The following AFF3 variants were observed in gnomAD, a reference collection of about 807,000 sequenced individuals.
The protein encoded by AFF3 is AF4/FMR2 family member 3.
In AFF3, 32 loss-of-function variants were observed where a neutral mutation model predicts 129.7. The ratio of observed to expected loss-of-function variants is 0.25; its 90% CI spans 0.19 to 0.33. The LOEUF is 0.33. AFF3 is among the 10% of genes least tolerant of loss of function. AFF3 has a pLI of 1.00. For synonymous variants in AFF3, 644 were observed against 635.4 expected, an observed-to-expected ratio of 1.01 and a Z score of -0.20; for missense variants, 1,373 against 1,592.0, an observed-to-expected ratio of 0.86 and a Z score of 2.34.
intron 18 of AFF3, 152 bp downstream of exon 18, chr2:99,578,175 T>C: frequency 1.7e-6 from 2 of 1,185,810 alleles, no homozygotes; most frequent in East Asian, 2.6e-5. Flanking sequence ...TCCAATTCCA[T>C]TCAAGAGGGA....
chr2:99,870,685 T>G (rs1691806789), intron 7 of AFF3, among the ~76,000 whole-genome samples: 1 of 152,232 alleles, frequency 6.6e-6, no homozygotes, highest in Non-Finnish European at 1.5e-5. Context: ...GAAGGCACTT[T>G]GTAACCATCT....
chr2:100,020,329 G>A (rs1683484419), intron 4 of AFF3, among the ~76,000 whole-genome samples: 2 of 151,862 alleles, frequency 1.3e-5, no homozygotes, highest in South Asian at 2.1e-4. Flanking sequence ...GACACTCCAG[G>A]CTCTGTGCAA....
chr2:99,727,082 A>G lies in AFF3; in HGVS notation c.1086T>C (p.Asn362=). The part of the protein sequence containing the change: ...EPESPDNGTS[N]TSMLEDDLKL... ...AGAAAATGAAAGAAACTTACGATGTATTCGATGTGCCATTGTCTGGACTCT... is the reference window on the plus strand; with the variant it reads ...AGAAAATGAAAGAAACTTACGATGTGTTCGATGTGCCATTGTCTGGACTCT... Residue 362 remains asparagine, a synonymous_variant, in exon 11 of 25, where the codon AAT becomes AAC. Coordinates refer to ENST00000672756, the MANE Select transcript of AFF3 (RefSeq NM_001386135.1). 1.2e-6 allele frequency: 2 copies of G among 1,605,818 alleles called. No individual in the cohort carries two copies. Among genetic ancestry groups the G allele is most frequent in the Non-Finnish European group, 1.7e-6 (2 of 1,177,800 alleles).
chr2:99,864,470 A>C (rs1691229605), intron 7 of AFF3, among the ~76,000 whole-genome samples: 1 of 152,228 alleles, frequency 6.6e-6, no homozygotes, highest in Non-Finnish European at 1.5e-5. Flanking sequence ...TTTTAAAAAC[A>C]CAAAAATAGA....
At chr2:99,986,694 G>A (rs1186129741) in intron 7 of AFF3, among the ~76,000 whole-genome samples, 1 of 152,158 alleles carries the variant, frequency 6.6e-6, no homozygotes, top group Non-Finnish European at 1.5e-5. Context: ...GAAATCCATA[G>A]ATGTAAATAA....
intron 7 of AFF3, among the ~76,000 whole-genome samples, chr2:99,975,591 T>C (rs1204841753): frequency 1.3e-5 from 2 of 151,878 alleles, no homozygotes; most frequent in Admixed American, 1.3e-4. Flanking sequence ...AAGGTGTATG[T>C]AGGAGGAAGC....
intron 4 of AFF3, among the ~76,000 whole-genome samples, chr2:100,049,883 T>C (rs577353846): frequency 2.6e-5 from 4 of 152,186 alleles, no homozygotes; most frequent in Admixed American, 2.6e-4. Context: ...CTATTCTGAA[T>C]GTAAGCTTTC....
At chr2:100,109,850 T>TA (rs1691455212) in intron 2 of AFF3, 1 of 152,142 alleles carries the variant, frequency 6.6e-6, no homozygotes, top group Non-Finnish European at 1.5e-5. Flanking sequence ...ATTGGTATGG[T>TA]ATTACTGGTA....
At chr2:99,626,129 T>C (rs554361740) in intron 13 of AFF3, among the ~76,000 whole-genome samples, 2 of 152,318 alleles carry the variant, frequency 1.3e-5, no homozygotes, top group East Asian at 3.9e-4. Flanking sequence ...TGTTATTTTA[T>C]TCAACAGAAC....
rs758389402 is a variant in AFF3, at chr2:99,554,448, G to A, written c.3422C>T (p.Ala1141Val). 17 of 1,614,020 alleles carry A rather than the reference G, an allele frequency of 1.1e-5. No homozygotes were observed. The highest frequency in any genetic ancestry group is 1.3e-5 in the Non-Finnish European group (15 of 1,180,052). The change falls in exon 24 of 25, where the codon GCC (alanine) becomes GTC (valine). Residue 1141 changes from alanine (A) to valine (V), a missense_variant. By Grantham distance (64) the Ala-to-Val change is moderately conservative (BLOSUM62 0). This residue lies in a region of AFF3 where 165 missense variants were observed against 234.0 expected (regional missense o/e 0.71). Coordinates refer to ENST00000672756, the MANE Select transcript of AFF3 (RefSeq NM_001386135.1). ...GSQGSLSNAS[A>V]LSPSTIVSIP... ...GCTGACGATGGTCGACGGGGACAGG[G>A]CGCTGGCGTTGGAGAGGCTGCCCTG...
intron 11 of AFF3, among the ~76,000 whole-genome samples, chr2:99,685,480 G>A (rs1013317424): frequency 3.3e-5 from 5 of 152,100 alleles, no homozygotes; most frequent in African/African-American, 9.7e-5. Flanking sequence ...TGCATTTACT[G>A]GGTTGGAAGT....
At chr2:99,859,975 C>T (rs1690853691) in intron 7 of AFF3, among the ~76,000 whole-genome samples, 1 of 152,156 alleles carries the variant, frequency 6.6e-6, no homozygotes, top group African/African-American at 2.4e-5. Flanking sequence ...AGTGGTTATT[C>T]TTTACTAAGA....
intron 8 of AFF3, among the ~76,000 whole-genome samples, chr2:99,826,434 G>A (rs1688086359): frequency 6.6e-6 from 1 of 152,226 alleles, no homozygotes; most frequent in Admixed American, 6.5e-5. Flanking sequence ...ATTGTAATAA[G>A]AATAAAGTGT....
intron 13 of AFF3, among the ~76,000 whole-genome samples, chr2:99,631,706 G>GA (rs999147561): frequency 1.3e-5 from 2 of 152,202 alleles, no homozygotes; most frequent in African/African-American, 2.4e-5. Flanking sequence ...AATGCTGAAT[G>GA]ATATTCCAGT....
intron 8 of AFF3, among the ~76,000 whole-genome samples, chr2:99,818,844 T>C (rs1399864301): frequency 1.3e-5 from 2 of 152,218 alleles, no homozygotes; most frequent in Admixed American, 1.3e-4. Flanking sequence ...GTAATCTAAT[T>C]CATCATTGGG....
intron 8 of AFF3, among the ~76,000 whole-genome samples, chr2:99,802,577 C>T (rs1041288943): frequency 7.2e-5 from 11 of 152,068 alleles, no homozygotes; most frequent in Admixed American, 6.5e-4. Flanking sequence ...GCAAGAGGGT[C>T]ACTTGAGCCC....
chr2:99,812,543 G>A (rs1207225536), intron 8 of AFF3, among the ~76,000 whole-genome samples: 1 of 152,058 alleles, frequency 6.6e-6, no homozygotes, highest in Non-Finnish European at 1.5e-5. Context: ...TGACAGATAC[G>A]AAAAAACATG....
rs868686477 is a variant in AFF3, at chr2:100,079,016, G to A, written c.53+25386C>T. Reference sequence around the variant, plus strand: ...GGATGGAGTGCAGTGGCGTGATCTCGGTTCACTGCAAGCTCTGCCTCCCAG... The same window carrying A: ...GGATGGAGTGCAGTGGCGTGATCTCAGTTCACTGCAAGCTCTGCCTCCCAG... On this transcript the variant is annotated intron_variant, in intron 4 of 24. Coordinates refer to ENST00000672756, the MANE Select transcript of AFF3 (RefSeq NM_001386135.1). Among the ~76,000 whole-genome samples the A allele has an allele frequency of 1.1e-3, 167 of 148,624 alleles. 1 individual carries two copies. The highest frequency in any genetic ancestry group is 3.7e-3 in the African/African-American group (150 of 40,238).
intron 7 of AFF3, among the ~76,000 whole-genome samples, chr2:99,961,869 A>G (rs1677247905): frequency 6.6e-6 from 1 of 152,202 alleles, no homozygotes; most frequent in Non-Finnish European, 1.5e-5. Flanking sequence ...CAAAACCAGG[A>G]GGGGTGGAAT....
Sources: allele counts gnomAD v4.1 joint callset (sites outside exome capture counted in the v4.1 genomes callset), GRCh38; gene constraint gnomAD v4.1.1; regional missense constraint gnomAD v4.1.1; transcripts MANE v1.5; gene names NCBI Gene and HGNC (gene_info 2026-07-23, HGNC 2026-07-21).